Variants in PDE4B observed in about 807,000 individuals in gnomAD.
PDE4B encodes the protein phosphodiesterase 4B.
PDE4B carries 20 observed loss-of-function variants against 82.2 expected under a neutral mutation model. That is an observed-to-expected ratio of 0.24 (90% CI 0.17 to 0.35). The LOEUF is 0.35. Ranked by LOEUF, PDE4B falls within the 10% of genes least tolerant of loss-of-function variation. PDE4B has a pLI of 1.00. For missense variants in PDE4B, 655 were observed against 907.2 expected (o/e 0.72, Z 3.57); for synonymous variants, 320 against 318.9 (o/e 1.00, Z -0.04).
chr1:66,262,669 T>C (rs1008751209), intron 6 of PDE4B, among the ~76,000 whole-genome samples: 3 of 152,238 alleles, frequency 2.0e-5, no homozygotes, highest in African/African-American at 7.2e-5. Context: ...CAAGCAATCA[T>C]GTGGCTTGCA....
At chr1:66,165,015 C>A (rs1646701170) in intron 3 of PDE4B, among the ~76,000 whole-genome samples, 2 of 152,060 alleles carry the variant, frequency 1.3e-5, no homozygotes, top group African/African-American at 4.8e-5. Context: ...CCTGCCTTGG[C>A]CTCCCAAAGT....
At chr1:66,034,870 C>G (rs1653983322) in intron 3 of PDE4B, among the ~76,000 whole-genome samples, 1 of 152,200 alleles carries the variant, frequency 6.6e-6, no homozygotes, top group South Asian at 2.1e-4. Flanking sequence ...AGCCTCTGAA[C>G]CAGTCCAACT....
chr1:66,305,694 A>G (rs958399109), intron 7 of PDE4B, among the ~76,000 whole-genome samples: 28 of 152,104 alleles, frequency 1.8e-4, no homozygotes, highest in African/African-American at 6.8e-4. Flanking sequence ...AAGATCTTAT[A>G]TTGTTTTCTG....
rs569567615 is a variant in PDE4B, at chr1:66,009,716, G to A, written c.281+90881G>A. ...TATGGGCTTTTCTTTTCTTATTTCAGGTGGTGTCTTGAATTCATCTAATTG... is the reference window on the plus strand; with the variant it reads ...TATGGGCTTTTCTTTTCTTATTTCAAGTGGTGTCTTGAATTCATCTAATTG... On this transcript the variant is annotated intron_variant, in intron 3 of 16. Transcript: ENST00000341517. Among the ~76,000 whole-genome samples, 399 of 152,110 alleles carry A rather than the reference G, an allele frequency of 2.6e-3. 1 individual carries two copies. The highest frequency in any genetic ancestry group is 4.8e-3 in the South Asian group (23 of 4,814).
At chr1:66,183,370 T>C (rs1647111630) in intron 3 of PDE4B, among the ~76,000 whole-genome samples, 1 of 152,216 alleles carries the variant, frequency 6.6e-6, no homozygotes, top group Non-Finnish European at 1.5e-5. Context: ...AATTTAGGGA[T>C]ACAGCTGAGC....
chr1:65,871,963 G>A (rs976129362), intron 1 of PDE4B, among the ~76,000 whole-genome samples: 4 of 152,082 alleles, frequency 2.6e-5, no homozygotes, highest in Non-Finnish European at 5.9e-5. Context: ...GAAAACTTAA[G>A]CATTGTACCA....
intron 3 of PDE4B, among the ~76,000 whole-genome samples, chr1:66,172,242 GC>G (rs1173241463): frequency 6.6e-6 from 1 of 152,114 alleles, no homozygotes; most frequent in African/African-American, 2.4e-5. Flanking sequence ...TAGGATGATG[GC>G]CTCCAGCTGC....
intron 1 of PDE4B, among the ~76,000 whole-genome samples, chr1:65,800,613 G>A (rs1440978794): frequency 1.3e-5 from 2 of 152,288 alleles, no homozygotes; most frequent in Non-Finnish European, 2.9e-5. Context: ...ATTATCATTT[G>A]GTGAAACTTC....
intron 3 of PDE4B, among the ~76,000 whole-genome samples, chr1:66,127,970 T>C (rs1338956625): frequency 2.0e-5 from 3 of 152,194 alleles, no homozygotes; most frequent in Admixed American, 2.0e-4. Context: ...GGTAATTCTA[T>C]TTCAGTGTTT....
chr1:66,195,399 T>G (rs1246304577), intron 3 of PDE4B, among the ~76,000 whole-genome samples: 2 of 152,164 alleles, frequency 1.3e-5, no homozygotes, highest in Non-Finnish European at 2.9e-5. Flanking sequence ...AAAGGAGTCT[T>G]TAAGTACTTG....
Position 66,065,972 on chromosome 1 carries a change from A to G in PDE4B, c.281+147137A>G, listed in dbSNP as rs190747023. Among the ~76,000 whole-genome samples the G allele has an allele frequency of 1.3e-3, 199 of 151,930 alleles. 1 individual carries two copies. The highest frequency in any genetic ancestry group is 2.4e-3 in the Non-Finnish European group (163 of 67,828). On this transcript the variant is annotated intron_variant, in intron 3 of 16. Transcript: ENST00000341517. ...GTGGTATCTTTTGTCATCTTTAGATATATACATGTGTTAGTAGTAGGTTTT... is the reference window on the plus strand; with the variant it reads ...GTGGTATCTTTTGTCATCTTTAGATGTATACATGTGTTAGTAGTAGGTTTT...
At position 66,198,849 on chromosome 1, in the gene PDE4B, G is replaced by A. The variant is rs371952068; in HGVS notation, c.282-48611G>A. On this transcript the variant is annotated intron_variant, in intron 3 of 16. Transcript: ENST00000341517. The stretch of plus-strand genomic sequence containing the variant: ...TTGTTCAATTCCCACCTATGAGTGA[G>A]AACATGCGGTGTTTGGTTTTTTGTC... Among the ~76,000 whole-genome samples, 23 of 151,846 alleles carry A rather than the reference G, an allele frequency of 1.5e-4. No individual in the cohort carries two copies. The South Asian group carries it at 4.4e-3, about 29-fold the overall frequency.
In PDE4B at chr1:66,363,148, C is replaced by G; in HGVS notation, c.1021-20C>G. The G allele has an allele frequency of 6.5e-7, 1 of 1,533,048 alleles. No individual in the cohort carries two copies. Among genetic ancestry groups the G allele is most frequent in the Non-Finnish European group, 9.0e-7 (1 of 1,117,024 alleles). 95.0% of individuals were successfully genotyped at this position (1,533,048 alleles called of 1,614,324 possible). A position where few individuals can be genotyped will look rare whatever the true frequency, so the allele number is the denominator to read the frequency against. ...CACAACTTTCCTTATTCCTAAATTC[C>G]TTTAAATTTTTAATTATAGGAGCTG... On this transcript the variant is annotated intron_variant, in intron 10 of 16. Transcript: ENST00000341517.
intron 8 of PDE4B, among the ~76,000 whole-genome samples, chr1:66,342,465 T>G (rs538524516): frequency 6.6e-6 from 1 of 151,302 alleles, no homozygotes; most frequent in East Asian, 1.9e-4. Flanking sequence ...ATCCCAGCAC[T>G]TTGGGAAGCC....
At chr1:66,049,762 G>A (rs1381566824) in intron 3 of PDE4B, among the ~76,000 whole-genome samples, 1 of 151,974 alleles carries the variant, frequency 6.6e-6, no homozygotes, top group African/African-American at 2.4e-5. Flanking sequence ...AGGCAGCAAG[G>A]TGGGGTTGGA....
intron 1 of PDE4B, among the ~76,000 whole-genome samples, chr1:65,880,781 G>A (rs1646699860): frequency 6.6e-6 from 1 of 152,154 alleles, no homozygotes; most frequent in Non-Finnish European, 1.5e-5. Context: ...AACCTGAGCA[G>A]ACAAAGACAG....
At position 66,060,223 on chromosome 1, in the gene PDE4B, G is replaced by T. The variant is rs552615870; in HGVS notation, c.281+141388G>T. ...TTCAGGATTAAATTTTGTAGGGCTA[G>T]TGAACACAGACTCCTTATCAAATGT... On this transcript the variant is annotated intron_variant, in intron 3 of 16. Coordinates refer to ENST00000341517, the MANE Select transcript of PDE4B (RefSeq NM_002600.4). 4.0e-4 allele frequency among the ~76,000 whole-genome samples: 61 copies of T among 152,300 alleles called. 1 individual carries two copies. The highest frequency in any genetic ancestry group is 3.4e-3 in the Middle Eastern group (1 of 294).
intron 7 of PDE4B, among the ~76,000 whole-genome samples, chr1:66,278,934 TTGCA>T (rs1184849147): frequency 1.3e-5 from 2 of 152,022 alleles, no homozygotes; most frequent in African/African-American, 4.8e-5. Context: ...TAAGGGTTCT[TTGCA>T]TGCTTTTTGT....
chr1:66,016,482 T>C (rs1292858988), intron 3 of PDE4B, among the ~76,000 whole-genome samples: 1 of 152,180 alleles, frequency 6.6e-6, no homozygotes, highest in Non-Finnish European at 1.5e-5. Flanking sequence ...ATCCACATCA[T>C]CCTCTTCAAT....
Sources: allele counts gnomAD v4.1 joint callset (sites outside exome capture counted in the v4.1 genomes callset), GRCh38; gene constraint gnomAD v4.1.1; transcripts MANE v1.5; gene names NCBI Gene and HGNC (gene_info 2026-07-23, HGNC 2026-07-21).